The following HCK variants were observed in gnomAD, a reference collection of about 807,000 sequenced individuals.
HCK encodes the protein HCK proto-oncogene, Src family tyrosine kinase.
HCK carries 40 observed loss-of-function variants against 70.4 expected under a neutral mutation model. That is an observed-to-expected ratio of 0.57 (90% CI 0.44 to 0.74). The LOEUF (loss-of-function observed/expected upper bound fraction) is 0.74. HCK is among the 30% of genes least tolerant of loss of function. HCK has a pLI of 0.00. For missense variants in HCK, 568 were observed against 697.2 expected (o/e 0.81, Z 2.09); for synonymous variants, 245 against 263.2 (o/e 0.93, Z 0.67).
intron 5 of HCK, among the ~76,000 whole-genome samples, chr20:32,077,454 A>G (rs1259493383): frequency 6.6e-6 from 1 of 152,218 alleles, no homozygotes; most frequent in Non-Finnish European, 1.5e-5. Context: ...CAAGTGGTAG[A>G]TACCACACAC....
At chr20:32,100,586 TAG>T (rs1390446788) in intron 12 of HCK, among the ~76,000 whole-genome samples, 3 of 152,208 alleles carry the variant, frequency 2.0e-5, no homozygotes, top group Non-Finnish European at 2.9e-5. Context: ...GACTTAAATA[TAG>T]AGACATCCAA....
chr20:32,100,764 G>A (rs2046022296), intron 12 of HCK, among the ~76,000 whole-genome samples: 1 of 152,186 alleles, frequency 6.6e-6, no homozygotes, highest in South Asian at 2.1e-4. Context: ...CCACCTGAAT[G>A]TTTTGTCTTG....
intron 11 of HCK, among the ~76,000 whole-genome samples, chr20:32,096,955 C>T (rs1479599202): frequency 1.3e-5 from 2 of 151,958 alleles, no homozygotes; most frequent in East Asian, 1.9e-4. Context: ...AAGATTTGTG[C>T]ATATTATTTC....
chr20:32,073,899 C>T (rs545049614), intron 4 of HCK, 81 bp downstream of exon 4: 5 of 779,280 alleles, frequency 6.4e-6, no homozygotes, highest in South Asian at 1.5e-5. Context: ...CCATAAAGAA[C>T]CTGATAGATG....
intron 1 of HCK, among the ~76,000 whole-genome samples, chr20:32,059,057 G>A (rs999219979): frequency 2.6e-5 from 4 of 152,214 alleles, no homozygotes; most frequent in African/African-American, 7.2e-5. Context: ...TGAAGGTGCC[G>A]GCAGCTGGAA....
intron 1 of HCK, among the ~76,000 whole-genome samples, chr20:32,062,132 G>T (rs1039618877): frequency 2.6e-5 from 4 of 151,854 alleles, no homozygotes; most frequent in African/African-American, 9.7e-5. Context: ...TAGAGATGGG[G>T]TTTCACCATG....
At chr20:32,094,569 T>C (rs2045907822) in intron 11 of HCK, among the ~76,000 whole-genome samples, 1 of 151,812 alleles carries the variant, frequency 6.6e-6, no homozygotes, top group East Asian at 1.9e-4. Context: ...ATGCCTGTAG[T>C]TGTGGCTACT....
At chr20:32,097,757 A>G (rs1403217235) in intron 11 of HCK, among the ~76,000 whole-genome samples, 1 of 152,112 alleles carries the variant, frequency 6.6e-6, no homozygotes, top group Non-Finnish European at 1.5e-5. Flanking sequence ...AAACACACAC[A>G]TAGAACATTT....
chr20:32,053,184 T>C (rs1035341067), intron 1 of HCK, among the ~76,000 whole-genome samples: 2 of 152,092 alleles, frequency 1.3e-5, no homozygotes, highest in Non-Finnish European at 2.9e-5. Flanking sequence ...AGGTGGTGCG[T>C]GTGAGAGACA....
At chr20:32,084,319 G>A in intron 7 of HCK, 72 bp from the exon 8 acceptor site, 1 of 1,480,686 alleles carries the variant, frequency 6.8e-7, no homozygotes, top group Non-Finnish European at 9.1e-7. Flanking sequence ...ACCAGGTAGG[G>A]CGGCCTCCAA....
At position 32,073,041 on chromosome 20, in the gene HCK, G is replaced by A. The variant is rs377404532; in HGVS notation, c.184-278G>A. On this transcript the variant is annotated intron_variant, in intron 2 of 12. Coordinates refer to ENST00000375852, the MANE Select transcript of HCK (RefSeq NM_002110.5). Reference sequence around the variant, plus strand: ...CTTGAACCCGAGAGGTGGAGGTTTCGGTGAGCTGAGATCACGCCACTGCAC... The same window carrying A: ...CTTGAACCCGAGAGGTGGAGGTTTCAGTGAGCTGAGATCACGCCACTGCAC... Among the ~76,000 whole-genome samples the A allele has an allele frequency of 6.6e-5, 10 of 151,752 alleles. 1 individual carries two copies. The highest frequency in any genetic ancestry group is 2.1e-4 in the South Asian group (1 of 4,802).
intron 12 of HCK, among the ~76,000 whole-genome samples, chr20:32,099,427 G>A (rs1022349581): frequency 2.1e-5 from 3 of 142,180 alleles, no homozygotes; most frequent in Non-Finnish European, 4.5e-5. Flanking sequence ...ACGTGATCTC[G>A]GCTCACTGCA....
intron 7 of HCK, 41 bp from the exon 8 acceptor site, chr20:32,084,350 C>T (rs376863762): frequency 3.0e-4 from 474 of 1,576,988 alleles, no homozygotes; most frequent in Non-Finnish European, 3.7e-4. Flanking sequence ...CTGGCTGGCT[C>T]GGTGCTTGTT....
chr20:32,086,106 G>A (rs1425779485), intron 8 of HCK, among the ~76,000 whole-genome samples: 3 of 152,106 alleles, frequency 2.0e-5, no homozygotes, highest in South Asian at 2.1e-4. Flanking sequence ...TGCAAGCTCC[G>A]TCTCCTGGGT....
chr20:32,088,718 A>G, intron 10 of HCK, 74 bp downstream of exon 10: 1 of 1,060,502 alleles, frequency 9.4e-7, no homozygotes, highest in Non-Finnish European at 1.5e-6. Flanking sequence ...TTTACTGACC[A>G]CATACTATGA....
chr20:32,100,081 AT>A (rs1165776387), intron 12 of HCK, among the ~76,000 whole-genome samples: 1 of 151,344 alleles, frequency 6.6e-6, no homozygotes, highest in Admixed American at 6.6e-5. Flanking sequence ...TATTTTTTTA[AT>A]TTTTTTGTAG....
intron 1 of HCK, among the ~76,000 whole-genome samples, chr20:32,060,956 G>GT (rs2045361014): frequency 6.6e-6 from 1 of 151,868 alleles, no homozygotes; most frequent in African/African-American, 2.4e-5. Context: ...CTGCCATGCC[G>GT]TATTTTTTTT....
At chr20:32,053,637 CAAAAA>C (rs1160849578) in intron 1 of HCK, among the ~76,000 whole-genome samples, 8 of 60,796 alleles carry the variant, frequency 1.3e-4, no homozygotes, top group African/African-American at 4.8e-4. Context: ...GACTCTGTCT[CAAAAA>C]AAAAAAAAAA....
intron 10 of HCK, among the ~76,000 whole-genome samples, chr20:32,092,897 G>A (rs1236049838): frequency 6.6e-6 from 1 of 151,920 alleles, no homozygotes; most frequent in Non-Finnish European, 1.5e-5. Flanking sequence ...TTCCCTGAAC[G>A]CCCAATCCAA....
Sources: allele counts gnomAD v4.1 joint callset (sites outside exome capture counted in the v4.1 genomes callset), GRCh38; gene constraint gnomAD v4.1.1; transcripts MANE v1.5; gene names NCBI Gene and HGNC (gene_info 2026-07-23, HGNC 2026-07-21).